Variants in GRM5 observed in about 807,000 individuals in gnomAD.
GRM5 encodes glutamate metabotropic receptor 5, also known as metabotropic glutamate receptor 5.
GRM5 carries 19 observed loss-of-function variants against 83.1 expected under a neutral mutation model. The ratio of observed to expected loss-of-function variants is 0.23; its 90% confidence interval spans 0.16 to 0.34. GRM5 has a LOEUF of 0.34. GRM5 is among the 10% of genes least tolerant of loss of function. The pLI is 1.00. For missense variants in GRM5, 1,160 were observed against 1,588.3 expected (o/e 0.73, Z 4.58); for synonymous variants, 675 against 633.6 (o/e 1.07, Z -0.98).
At chr11:88,628,472 A>G (rs911126333) in intron 4 of GRM5, among the ~76,000 whole-genome samples, 5 of 152,242 alleles carry the variant, frequency 3.3e-5, no homozygotes, top group Admixed American at 1.3e-4. Context: ...GGTTATATTT[A>G]ATATCTGCTC....
At chr11:88,564,017 G>A (rs1436703424) in intron 8 of GRM5, among the ~76,000 whole-genome samples, 1 of 152,166 alleles carries the variant, frequency 6.6e-6, no homozygotes, top group African/African-American at 2.4e-5. Flanking sequence ...TTAAAAAGGA[G>A]AGCAGATATC....
chr11:88,767,187 G>T (rs1260951209), intron 3 of GRM5, among the ~76,000 whole-genome samples: 41 of 151,932 alleles, frequency 2.7e-4, no homozygotes, highest in Non-Finnish European at 1.5e-5. Context: ...AATAAAAGAT[G>T]CTGGTGAAGT....
intron 3 of GRM5, among the ~76,000 whole-genome samples, chr11:88,815,535 C>T (rs1029828665): frequency 1.3e-5 from 2 of 152,132 alleles, no homozygotes; most frequent in African/African-American, 4.8e-5. Context: ...TAATTTGGCC[C>T]ATAATTTTGA....
intron 3 of GRM5, among the ~76,000 whole-genome samples, chr11:88,839,904 G>A (rs1944165540): frequency 6.6e-6 from 1 of 152,110 alleles, no homozygotes; most frequent in African/African-American, 2.4e-5. Context: ...AGGAAGAAAT[G>A]TTATCAAGAA....
intron 5 of GRM5, among the ~76,000 whole-genome samples, chr11:88,600,283 C>CCTCTCA (rs1421194616): frequency 1.3e-5 from 2 of 149,008 alleles, no homozygotes. Flanking sequence ...GCTCCTTCTC[C>CCTCTCA]CTCTCCCCCA....
chr11:88,805,629 A>G (rs991696365), intron 3 of GRM5, among the ~76,000 whole-genome samples: 2 of 152,234 alleles, frequency 1.3e-5, no homozygotes, highest in African/African-American at 4.8e-5. Context: ...AACGGTATTG[A>G]TTTGACTATG....
At chr11:88,983,623 A>C (rs1939597208) in intron 2 of GRM5, among the ~76,000 whole-genome samples, 2 of 152,292 alleles carry the variant, frequency 1.3e-5, no homozygotes, top group South Asian at 4.1e-4. Flanking sequence ...CCTAACACTC[A>C]TTAATGACAA....
At position 88,578,768 on chromosome 11, in the gene GRM5, A is replaced by C. The variant is rs144441682; in HGVS notation, c.1691-10776T>G. Among the ~76,000 whole-genome samples the C allele has an allele frequency of 7.4e-3, 1,120 of 152,246 alleles. 11 individuals carry two copies. Among genetic ancestry groups the C allele is most frequent in the African/African-American group, 0.026 (1,082 of 41,570 alleles). Reference sequence around the variant, plus strand: ...GCATTTTAGAATTTATCAATGTGTAAGCCCTGGAATCTCATTTTAAAAGAA... The same window carrying C: ...GCATTTTAGAATTTATCAATGTGTACGCCCTGGAATCTCATTTTAAAAGAA... On this transcript the variant is annotated intron_variant, in intron 7 of 9. Transcript: ENST00000305447.
intron 7 of GRM5, among the ~76,000 whole-genome samples, chr11:88,588,449 A>G (rs934989820): frequency 2.8e-4 from 43 of 152,150 alleles, no homozygotes; most frequent in African/African-American, 9.4e-4. Flanking sequence ...ATTAAGAGGC[A>G]TGTGGCATAA....
intron 2 of GRM5, among the ~76,000 whole-genome samples, chr11:89,041,518 G>T (rs558110949): frequency 1.3e-5 from 2 of 152,254 alleles, no homozygotes; most frequent in East Asian, 3.9e-4. Context: ...AAGAAACACT[G>T]CCCAAACCAC....
chr11:88,968,166 C>T (rs1303024935), intron 2 of GRM5, among the ~76,000 whole-genome samples: 1 of 151,964 alleles, frequency 6.6e-6, no homozygotes, highest in East Asian at 1.9e-4. Flanking sequence ...TTTGAATGTC[C>T]AATACAGTAG....
chr11:88,672,370 A>G (rs1484954541), intron 3 of GRM5, among the ~76,000 whole-genome samples: 27 of 151,976 alleles, frequency 1.8e-4, no homozygotes, highest in Admixed American at 1.8e-3. Context: ...AATCAAGCTT[A>G]TACTCTGGTG....
At chr11:88,980,037 G>C (rs1392782535) in intron 2 of GRM5, among the ~76,000 whole-genome samples, 2 of 152,286 alleles carry the variant, frequency 1.3e-5, no homozygotes, top group Middle Eastern at 3.4e-3. Context: ...GTAAAGAAAT[G>C]TGGGAGATTC....
In GRM5 at chr11:89,018,720, T is replaced by C. The variant is rs1165111196; in HGVS notation, c.661+28492A>G. 2.0e-5 allele frequency among the ~76,000 whole-genome samples: 3 copies of C among 152,150 alleles called. No homozygotes were observed. In the East Asian group the frequency reaches 5.8e-4, roughly 29 times the overall value. ...GGGATAGTGGGAAGTTATGGGATTA[T>C]AGGATTACATAAAAGGTTAGGCTTC... On this transcript the variant is annotated intron_variant, in intron 2 of 9. Coordinates refer to ENST00000305447, the MANE Select transcript of GRM5 (RefSeq NM_001143831.3).
intron 2 of GRM5, among the ~76,000 whole-genome samples, chr11:88,936,108 G>A (rs888425528): frequency 2.0e-5 from 3 of 151,870 alleles, no homozygotes; most frequent in African/African-American, 7.2e-5. Context: ...ACAGGCAGGT[G>A]TGAAAAGTGT....
chr11:89,064,872 CTCTCTCTCTCTCTCTCTGTG>C (rs1329724809), intron 1 of GRM5, among the ~76,000 whole-genome samples: 19 of 43,476 alleles, frequency 4.4e-4, no homozygotes, highest in African/African-American at 1.5e-3. Flanking sequence ...CTCTCTCTCT[CTCTCTCTCTCTCTCTCTGTG>C]TGTGTGTGTG....
intron 2 of GRM5, among the ~76,000 whole-genome samples, chr11:88,983,978 G>A (rs930689334): frequency 1.3e-5 from 2 of 151,848 alleles, no homozygotes; most frequent in African/African-American, 4.8e-5. Flanking sequence ...ATATAGAAAA[G>A]GAATATAAAG....
chr11:89,041,147 A>G (rs547137185), intron 2 of GRM5, among the ~76,000 whole-genome samples: 1 of 152,224 alleles, frequency 6.6e-6, no homozygotes, highest in Non-Finnish European at 1.5e-5. Context: ...GCTGCCATCC[A>G]TAAGATGGGT....
chr11:89,014,396 G>A (rs149956025), intron 2 of GRM5, among the ~76,000 whole-genome samples: 3,321 of 152,204 alleles, frequency 0.022, 75 homozygotes, highest in East Asian at 0.1. Context: ...TTGCTGAGCT[G>A]AGCTGAGCTT....
Sources: gnomAD v4.1 joint callset for allele counts (sites outside exome capture counted in the v4.1 genomes callset) on GRCh38, gnomAD v4.1.1 for gene constraint, MANE v1.5 for transcripts, NCBI Gene and HGNC (gene_info 2026-07-23, HGNC 2026-07-21) for gene names.